Variants in KCNAB1 observed in about 807,000 individuals in gnomAD.
The protein encoded by KCNAB1 is potassium voltage-gated channel subfamily A regulatory beta subunit 1, also known as voltage-gated potassium channel subunit beta-1.
A neutral mutation model predicts 64.6 loss-of-function variants in KCNAB1; 35 were observed. The ratio of observed to expected loss-of-function variants is 0.54; its 90% confidence interval spans 0.41 to 0.72. KCNAB1 has a LOEUF of 0.72. Among genes scored for constraint, KCNAB1 ranks in the 30% least tolerant of loss-of-function variants. The pLI is 0.00. For synonymous variants in KCNAB1, 177 were observed against 183.8 expected (o/e 0.96, Z 0.30); for missense variants, 401 against 512.9 (o/e 0.78, Z 2.11).
intron 1 of KCNAB1, among the ~76,000 whole-genome samples, chr3:156,262,362 TCTC>T (rs1344855372): frequency 1.3e-5 from 2 of 151,926 alleles, no homozygotes; most frequent in African/African-American, 2.4e-5. Flanking sequence ...TTAAGGAAGT[TCTC>T]CTCTAGTTTT....
In KCNAB1 at chr3:156,262,138, A is replaced by G. The variant is rs539078522; in HGVS notation, c.275+141252A>G. Among the ~76,000 whole-genome samples, 5 of 152,102 alleles carry G rather than the reference A, an allele frequency of 3.3e-5. No individual in the cohort carries two copies. In the South Asian group the frequency reaches 1.0e-3, roughly 32 times the overall value. On this transcript the variant is annotated intron_variant, in intron 1 of 13. Coordinates refer to ENST00000490337, the MANE Select transcript of KCNAB1 (RefSeq NM_172160.3). ...TTCTACATAACAGATTATGTCATCT[A>G]TGAATAAAAACAGTTTTACTTCTCC...
chr3:156,533,737 G>T (rs1718861733), intron 13 of KCNAB1, among the ~76,000 whole-genome samples: 1 of 152,104 alleles, frequency 6.6e-6, no homozygotes, highest in Non-Finnish European at 1.5e-5. Context: ...CTGCAGGTTT[G>T]GGAAAGAGAG....
chr3:156,473,555 T>A (rs1432562482), intron 7 of KCNAB1, among the ~76,000 whole-genome samples: 1 of 152,176 alleles, frequency 6.6e-6, no homozygotes, highest in Non-Finnish European at 1.5e-5. Flanking sequence ...CCTCATAACA[T>A]CTGTCTGCCC....
chr3:156,515,425 A>G (rs1316627325), intron 10 of KCNAB1, among the ~76,000 whole-genome samples: 2 of 152,172 alleles, frequency 1.3e-5, no homozygotes, highest in Admixed American at 6.6e-5. Flanking sequence ...TCACTGATGA[A>G]AGCCAAGCAG....
intron 1 of KCNAB1, among the ~76,000 whole-genome samples, chr3:156,153,610 C>T (rs973431977): frequency 6.6e-6 from 1 of 152,322 alleles, no homozygotes; most frequent in East Asian, 1.9e-4. Flanking sequence ...TGTGGTTGGG[C>T]GTCATCCAGT....
chr3:156,529,320 G>T (rs1428629267), intron 12 of KCNAB1, among the ~76,000 whole-genome samples: 1 of 152,116 alleles, frequency 6.6e-6, no homozygotes, highest in African/African-American at 2.4e-5. Flanking sequence ...TGGCTGCCTG[G>T]TACTTGAGGT....
intron 1 of KCNAB1, among the ~76,000 whole-genome samples, chr3:156,222,951 T>C (rs1457373251): frequency 6.6e-6 from 1 of 152,220 alleles, no homozygotes; most frequent in Non-Finnish European, 1.5e-5. Context: ...GGAAAGTTCA[T>C]AGCATTAAAT....
At chr3:156,438,880 G>A (rs1716781600) in intron 2 of KCNAB1, among the ~76,000 whole-genome samples, 1 of 152,182 alleles carries the variant, frequency 6.6e-6, no homozygotes, top group East Asian at 1.9e-4. Flanking sequence ...TGGGCGTGGT[G>A]GCGTGTGCCT....
chr3:156,303,711 A>C (rs992379877), intron 1 of KCNAB1, among the ~76,000 whole-genome samples: 9 of 152,238 alleles, frequency 5.9e-5, no homozygotes, highest in Non-Finnish European at 7.3e-5. Context: ...CAGTGTATTT[A>C]GAGTCAACAG....
chr3:156,499,065 A>G lies in KCNAB1; in HGVS notation c.659-15299A>G, dbSNP rs148940931. Among the ~76,000 whole-genome samples, 62 of 152,358 alleles carry G rather than the reference A, an allele frequency of 4.1e-4. No individual in the cohort carries two copies. In the East Asian group the frequency reaches 0.011, roughly 28 times the overall value. ...TGTTGACATTTTGGTGGACCAAAGA[A>G]TGATAATGTTTGCTTATTATGAGAG... On this transcript the variant is annotated intron_variant, in intron 8 of 13. Coordinates refer to ENST00000490337, the MANE Select transcript of KCNAB1 (RefSeq NM_172160.3).
At chr3:156,189,601 T>A (rs572651571) in intron 1 of KCNAB1, among the ~76,000 whole-genome samples, 1 of 151,926 alleles carries the variant, frequency 6.6e-6, no homozygotes, top group South Asian at 2.1e-4. Context: ...CATCTCCTGT[T>A]CTGTTTTCCT....
chr3:156,301,331 G>T (rs919349472), intron 1 of KCNAB1, among the ~76,000 whole-genome samples: 1 of 151,962 alleles, frequency 6.6e-6, no homozygotes, highest in Non-Finnish European at 1.5e-5. Flanking sequence ...AATCAGCAAA[G>T]AATTCCTCTG....
intron 1 of KCNAB1, among the ~76,000 whole-genome samples, chr3:156,366,607 T>A (rs1416259255): frequency 1.3e-5 from 2 of 152,208 alleles, no homozygotes; most frequent in Non-Finnish European, 2.9e-5. Flanking sequence ...TAAGGTCATT[T>A]GAGGGATAAC....
At chr3:156,283,689 T>G (rs1719891061) in intron 1 of KCNAB1, among the ~76,000 whole-genome samples, 1 of 151,962 alleles carries the variant, frequency 6.6e-6, no homozygotes, top group Admixed American at 6.6e-5. Context: ...TTCTCTAGAC[T>G]TCCCCTCTCG....
intron 1 of KCNAB1, among the ~76,000 whole-genome samples, chr3:156,382,515 A>T (rs932354275): frequency 6.6e-6 from 1 of 151,930 alleles, no homozygotes; most frequent in Non-Finnish European, 1.5e-5. Context: ...AAACAAACAA[A>T]AAAACCAACC....
At position 156,244,710 on chromosome 3, in the gene KCNAB1, C is replaced by G. The variant is rs566407901; in HGVS notation, c.275+123824C>G. Among the ~76,000 whole-genome samples the G allele has an allele frequency of 5.3e-5, 8 of 152,282 alleles. No individual in the cohort carries two copies. In the South Asian group the frequency reaches 1.7e-3, roughly 32 times the overall value. ...AGATACACCCCCAATGTCAATATCTCTATGTATTTCCTCTTTCAGATTTTA... is the reference window on the plus strand; with the variant it reads ...AGATACACCCCCAATGTCAATATCTGTATGTATTTCCTCTTTCAGATTTTA... On this transcript the variant is annotated intron_variant, in intron 1 of 13. Coordinates refer to ENST00000490337, the MANE Select transcript of KCNAB1 (RefSeq NM_172160.3).
intron 1 of KCNAB1, among the ~76,000 whole-genome samples, chr3:156,277,534 G>A (rs1270518825): frequency 6.6e-6 from 1 of 152,140 alleles, no homozygotes; most frequent in East Asian, 1.9e-4. Flanking sequence ...ACTTAGCATA[G>A]TGTCCTCCAG....
intron 1 of KCNAB1, among the ~76,000 whole-genome samples, chr3:156,409,543 A>G (rs1397012772): frequency 6.6e-6 from 1 of 152,194 alleles, no homozygotes; most frequent in Non-Finnish European, 1.5e-5. Flanking sequence ...CTGTATCATG[A>G]GAGGACAATC....
At chr3:156,193,962 A>G (rs1357319978) in intron 1 of KCNAB1, among the ~76,000 whole-genome samples, 1 of 152,178 alleles carries the variant, frequency 6.6e-6, no homozygotes. Flanking sequence ...TTAATTTATT[A>G]TAGTTAACTT....
Sources: gnomAD v4.1 joint callset for allele counts (sites outside exome capture counted in the v4.1 genomes callset) on GRCh38, gnomAD v4.1.1 for gene constraint, MANE v1.5 for transcripts, NCBI Gene and HGNC (gene_info 2026-07-23, HGNC 2026-07-21) for gene names.